FRMD3: variants seen among roughly 807,000 people sequenced by gnomAD.
The protein encoded by FRMD3 is FERM domain-containing protein 3.
Under a neutral mutation model 70.2 loss-of-function variants are expected in FRMD3, and 33 were observed. The ratio of observed to expected loss-of-function variants is 0.47; its 90% confidence interval spans 0.36 to 0.63. The LOEUF is 0.63. FRMD3 is among the 20% of genes least tolerant of loss of function. The pLI is 0.00. For missense variants in FRMD3, 632 were observed against 711.4 expected (o/e 0.89, Z 1.27); for synonymous variants, 279 against 255.9 (o/e 1.09, Z -0.86).
intron 2 of FRMD3, among the ~76,000 whole-genome samples, chr9:83,376,599 T>G (rs1825152040): frequency 6.7e-6 from 1 of 149,610 alleles, no homozygotes; most frequent in Non-Finnish European, 1.5e-5. Flanking sequence ...AACATTAGAT[T>G]GTGCTATATT....
chr9:83,248,407 T>G lies in FRMD3; in HGVS notation c.1305A>C (p.Ile435=). 1.2e-6 allele frequency: 2 copies of G among 1,614,208 alleles called. No homozygotes were observed. Among genetic ancestry groups the G allele is most frequent in the Non-Finnish European group, 1.7e-6 (2 of 1,180,044 alleles). The change falls in exon 14 of 14, where the codon ATA becomes ATC. Residue 435 remains isoleucine, a synonymous_variant. Transcript: ENST00000304195. ...EDPPSEEEDK[I]KEEPLTISEL... is the part of the protein sequence containing the mutation. ...CAGAGATGGTTAAAGGTTCTTCTTTTATTTTATCTTCCTCTTCACTAGGGG... is the reference window on the plus strand; with the variant it reads ...CAGAGATGGTTAAAGGTTCTTCTTTGATTTTATCTTCCTCTTCACTAGGGG...
At chr9:83,385,928 G>T (rs979201115) in intron 2 of FRMD3, among the ~76,000 whole-genome samples, 5 of 152,034 alleles carry the variant, frequency 3.3e-5, no homozygotes, top group African/African-American at 7.2e-5. Context: ...GGTTTTAGAG[G>T]TACTAATCAT....
intron 12 of FRMD3, chr9:83,297,813 A>G (rs1564001619): frequency 2.1e-6 from 1 of 471,700 alleles, no homozygotes; most frequent in African/African-American, 2.0e-5. Flanking sequence ...TCTTCTGTAC[A>G]CATCTACATG....
At chr9:83,399,022 G>A (rs1184349757) in intron 1 of FRMD3, among the ~76,000 whole-genome samples, 1 of 152,130 alleles carries the variant, frequency 6.6e-6, no homozygotes. Context: ...GCCCATGGTA[G>A]CCCCTACACA....
chr9:83,357,698 G>A (rs553670967), intron 3 of FRMD3, among the ~76,000 whole-genome samples: 1 of 152,124 alleles, frequency 6.6e-6, no homozygotes, highest in East Asian at 1.9e-4. Flanking sequence ...TTTCTCACAT[G>A]TTTGTTGCCC....
At chr9:83,331,104 T>G (rs1406389912) in intron 6 of FRMD3, among the ~76,000 whole-genome samples, 1 of 152,170 alleles carries the variant, frequency 6.6e-6, no homozygotes, top group Non-Finnish European at 1.5e-5. Flanking sequence ...GTGTTTGGTA[T>G]TTACCCAAAT....
Position 83,272,968 on chromosome 9 carries a change from G to A in FRMD3, c.1195+17635C>T, listed in dbSNP as rs534932825. On this transcript the variant is annotated intron_variant, in intron 13 of 13. Coordinates refer to ENST00000304195, the MANE Select transcript of FRMD3 (RefSeq NM_174938.6). ...GCAGCCGCCCCGTCTGGGAAGTGAGGAGCATCTCCGCCCGGCAGCCGCCCC... is the reference window on the plus strand; with the variant it reads ...GCAGCCGCCCCGTCTGGGAAGTGAGAAGCATCTCCGCCCGGCAGCCGCCCC... 2.0e-5 allele frequency among the ~76,000 whole-genome samples: 3 copies of A among 151,686 alleles called. No homozygotes were observed. The East Asian group carries it at 5.9e-4, about 30-fold the overall frequency.
At chr9:83,421,820 G>A (rs902662958) in intron 1 of FRMD3, among the ~76,000 whole-genome samples, 1 of 152,164 alleles carries the variant, frequency 6.6e-6, no homozygotes, top group African/African-American at 2.4e-5. Flanking sequence ...GTAAGGAGTT[G>A]GAGGTCAAAC....
chr9:83,455,807 T>C (rs894114199), intron 1 of FRMD3, among the ~76,000 whole-genome samples: 3 of 152,172 alleles, frequency 2.0e-5, no homozygotes, highest in Non-Finnish European at 2.9e-5. Context: ...ATATAAAGGA[T>C]ATAAATTTAA....
At chr9:83,575,879 G>A in the FRMD3 span, among the ~76,000 whole-genome samples, 19 of 151,954 alleles carry the variant, frequency 1.3e-4, no homozygotes, top group Admixed American at 8.5e-4. Flanking sequence ...AGAAAAGTAG[G>A]GAATTCTTTT....
At chr9:83,286,169 G>A (rs1439958628) in intron 13 of FRMD3, among the ~76,000 whole-genome samples, 1 of 152,136 alleles carries the variant, frequency 6.6e-6, no homozygotes, top group Non-Finnish European at 1.5e-5. Flanking sequence ...TAAATGGGTG[G>A]TCATGACCCC....
chr9:83,318,461 C>CTA (rs953819389), intron 6 of FRMD3, among the ~76,000 whole-genome samples: 4 of 150,716 alleles, frequency 2.7e-5, no homozygotes, highest in African/African-American at 9.7e-5. Flanking sequence ...GTATTCCATG[C>CTA]TATATATATT....
intron 13 of FRMD3, among the ~76,000 whole-genome samples, chr9:83,257,501 C>T (rs1202678001): frequency 1.3e-5 from 2 of 151,980 alleles, no homozygotes; most frequent in Non-Finnish European, 2.9e-5. Flanking sequence ...TGCACACGTA[C>T]CCTTGAAATT....
chr9:83,333,297 A>G (rs917157326), intron 6 of FRMD3, among the ~76,000 whole-genome samples: 2 of 152,206 alleles, frequency 1.3e-5, no homozygotes, highest in Admixed American at 6.5e-5. Context: ...ACAAAGGCTT[A>G]ATGGATGTTT....
intron 1 of FRMD3, among the ~76,000 whole-genome samples, chr9:83,463,155 T>G (rs891519609): frequency 6.6e-6 from 1 of 152,192 alleles, no homozygotes; most frequent in African/African-American, 2.4e-5. Context: ...AGCAAGCATT[T>G]TGTTCTGAGG....
chr9:83,356,058 G>C (rs1824325270), intron 3 of FRMD3, among the ~76,000 whole-genome samples: 1 of 152,126 alleles, frequency 6.6e-6, no homozygotes, highest in South Asian at 2.1e-4. Flanking sequence ...AGAACATGGA[G>C]AGAGGTACAG....
chr9:83,362,855 C>CTTCCTTCCCTCCCTCT (rs1824647994), intron 3 of FRMD3, among the ~76,000 whole-genome samples: 1 of 138,860 alleles, frequency 7.2e-6, no homozygotes, highest in African/African-American at 2.7e-5. Context: ...TCCCTCCCTC[C>CTTCCTTCCCTCCCTCT]TTCCTTCCCT....
rs142968326 is a variant in FRMD3 at position 83,475,121 on chromosome 9, G to A, written c.147+62964C>T. Among the ~76,000 whole-genome samples the A allele has an allele frequency of 2.1e-3, 323 of 152,018 alleles. 2 individuals are homozygous for A. The highest frequency in any genetic ancestry group is 7.0e-3 in the African/African-American group (289 of 41,448). ...GCCCAACATTCAATTAAAAATTACC[G>A]GGCATACCAAGAGATAGAACCAATA... is the stretch of plus-strand genomic sequence containing the variant. On this transcript the variant is annotated intron_variant, in intron 1 of 13. Transcript: ENST00000304195.
chr9:83,581,813 G>C, the FRMD3 span, among the ~76,000 whole-genome samples: 1 of 152,176 alleles, frequency 6.6e-6, no homozygotes, highest in Non-Finnish European at 1.5e-5. Flanking sequence ...TATGCTAAGT[G>C]AAAGAAATTA....
Sources: allele counts gnomAD v4.1 joint callset (sites outside exome capture counted in the v4.1 genomes callset), GRCh38; gene constraint gnomAD v4.1.1; transcripts MANE v1.5; gene names NCBI Gene and HGNC (gene_info 2026-07-23, HGNC 2026-07-21).